EFL1: variants seen among roughly 807,000 people sequenced by gnomAD.
EFL1 encodes the protein elongation factor-like GTPase 1.
Under a neutral mutation model 126.7 loss-of-function variants are expected in EFL1, and 76 were observed. That is an observed-to-expected ratio of 0.60 (90% CI 0.50 to 0.73). The LOEUF (loss-of-function observed/expected upper bound fraction) is 0.73. Ranked by LOEUF, EFL1 falls within the 30% of genes least tolerant of loss-of-function variation. The probability of loss-of-function intolerance (pLI) is 0.00; values close to 1 mark genes in which losing one functional copy is unlikely to be tolerated. For synonymous variants in EFL1, 410 were observed against 448.4 expected (o/e 0.91, Z 1.08); for missense variants, 1,128 against 1,343.2 (o/e 0.84, Z 2.50).
chr15:82,240,349 C>T (rs916640504), intron 6 of EFL1, 69 bp downstream of exon 6: 15 of 1,471,470 alleles, frequency 1.0e-5, no homozygotes, highest in South Asian at 2.6e-5. Context: ...ACGGCTCATA[C>T]CCAGCTCAGT....
rs919788448 is a variant in EFL1 at position 82,138,784 on chromosome 15, T to C, written c.3048A>G (p.Lys1016=). The part of the protein sequence containing the change: ...REGRVLQEEM[K]EGTDMFIIKA... The stretch of plus-strand genomic sequence containing the variant: ...TGATGATGAACATGTCTGTCCCTTC[T>C]TTCATTTCTTCTTGAAGTACCCGAC... The change falls in exon 19 of 20, where the codon AAA becomes AAG. Residue 1016 remains lysine, a synonymous_variant. Transcript: ENST00000268206. 6.2e-7 allele frequency: 1 copy of C among 1,613,986 alleles called. No homozygotes were observed. Among genetic ancestry groups the C allele is most frequent in the South Asian group, 1.1e-5 (1 of 91,072 alleles).
At chr15:82,238,226 C>T in intron 7 of EFL1, 81 bp downstream of exon 7, 2 of 1,448,950 alleles carry the variant, frequency 1.4e-6, no homozygotes, top group Middle Eastern at 2.0e-4. Flanking sequence ...CTATAATTAT[C>T]TCAAAATAAA....
rs1200667387 is a variant in EFL1, at chr15:82,220,066, G to T, written c.1444+12C>A. On this transcript the variant is annotated intron_variant, in intron 13 of 19. Coordinates refer to ENST00000268206, the MANE Select transcript of EFL1 (RefSeq NM_024580.6). ...AATACTTTGCAACAGAGCCTACTTA[G>T]GAAAGCTATACCTCTTGGCTCCTCT... 7.6e-6 allele frequency: 12 copies of T among 1,587,090 alleles called. No homozygotes were observed. The highest frequency in any genetic ancestry group is 9.4e-6 in the Non-Finnish European group (11 of 1,171,104).
intron 4 of EFL1, among the ~76,000 whole-genome samples, chr15:82,243,891 A>C (rs966647387): frequency 2.0e-5 from 3 of 152,130 alleles, no homozygotes; most frequent in Admixed American, 1.3e-4. Flanking sequence ...ATCCTAAAAA[A>C]TAAGTGTCTG....
chr15:82,254,135 T>C (rs1308999797), intron 3 of EFL1, among the ~76,000 whole-genome samples: 1 of 152,262 alleles, frequency 6.6e-6, no homozygotes, highest in African/African-American at 2.4e-5. Flanking sequence ...CAATGACCTC[T>C]GGCGAAACGC....
intron 2 of EFL1, among the ~76,000 whole-genome samples, chr15:82,259,440 CA>C (rs1237843816): frequency 6.6e-6 from 1 of 152,160 alleles, no homozygotes; most frequent in Non-Finnish European, 1.5e-5. Context: ...ACTCTTTTGC[CA>C]TATTTCCCCA....
At chr15:82,135,852 C>T (rs562497422) in intron 19 of EFL1, among the ~76,000 whole-genome samples, 2 of 152,156 alleles carry the variant, frequency 1.3e-5, no homozygotes, top group East Asian at 1.9e-4. Flanking sequence ...AGATGTGATG[C>T]GGGAGGTAGA....
At chr15:82,229,785 T>C (rs537902528) in intron 8 of EFL1, among the ~76,000 whole-genome samples, 98 of 152,268 alleles carry the variant, frequency 6.4e-4, no homozygotes, top group African/African-American at 2.2e-3. Flanking sequence ...TATCAAAACA[T>C]TTGAAAAAAC....
intron 15 of EFL1, among the ~76,000 whole-genome samples, chr15:82,187,934 G>GA (rs948942996): frequency 6.6e-6 from 1 of 151,808 alleles, no homozygotes; most frequent in Non-Finnish European, 1.5e-5. Context: ...CTATAACAGT[G>GA]AAAAAAACAG....
In EFL1 at chr15:82,138,641, G is replaced by A. The variant is rs2073750676; in HGVS notation, c.3174+17C>T. On this transcript the variant is annotated intron_variant, in intron 19 of 19. Transcript: ENST00000268206. ...ATAGATGAGAAGGAAGGAATGAATG[G>A]GAACTTGGATTTTTACCTCCCAATG... The A allele has an allele frequency of 1.9e-6, 3 of 1,610,974 alleles. No individual in the cohort carries two copies. Among genetic ancestry groups the A allele is most frequent in the Non-Finnish European group, 1.7e-6 (2 of 1,178,288 alleles).
intron 18 of EFL1, among the ~76,000 whole-genome samples, chr15:82,141,533 T>A (rs933995244): frequency 6.6e-6 from 1 of 151,976 alleles, no homozygotes; most frequent in Non-Finnish European, 1.5e-5. Flanking sequence ...TTGGGCATGG[T>A]GCTGTGTGCC....
At position 82,147,482 on chromosome 15, in the gene EFL1, C is replaced by CA. The variant is rs76335360; in HGVS notation, c.2989+3982dup. On this transcript the variant is annotated intron_variant, in intron 18 of 19. Coordinates refer to ENST00000268206, the MANE Select transcript of EFL1 (RefSeq NM_024580.6). ...CCATCTCTACTAAAAATAACAACAA[C>CA]AAAAAAAAAATTAGCTGGGCGTGGT... Among the ~76,000 whole-genome samples, 55 of 147,990 alleles carry CA rather than the reference C, an allele frequency of 3.7e-4. No individual in the cohort carries two copies. In the South Asian group the frequency reaches 7.1e-3, roughly 19 times the overall value.
chr15:82,197,497 T>C (rs1243738599), intron 15 of EFL1, among the ~76,000 whole-genome samples: 1 of 152,194 alleles, frequency 6.6e-6, no homozygotes, highest in Non-Finnish European at 1.5e-5. Context: ...ACAAAACTAG[T>C]GACAATGTGC....
chr15:82,209,316 G>GACACACAGACACACACACACACACACAC (rs2074559162), intron 15 of EFL1, among the ~76,000 whole-genome samples: 1 of 146,240 alleles, frequency 6.8e-6, no homozygotes, highest in African/African-American at 2.5e-5. Flanking sequence ...CACAGACACA[G>GACACACAGACACACACACACACACACAC]ACACACACAC....
At chr15:82,218,440 G>C (rs1020225759) in intron 14 of EFL1, among the ~76,000 whole-genome samples, 1 of 152,128 alleles carries the variant, frequency 6.6e-6, no homozygotes, top group African/African-American at 2.4e-5. Context: ...ATTTCAACCT[G>C]TAGCAAAGAC....
chr15:82,132,765 T>A (rs1411127757), intron 19 of EFL1, among the ~76,000 whole-genome samples: 1 of 126,616 alleles, frequency 7.9e-6, no homozygotes, highest in South Asian at 2.7e-4. Context: ...GAAGGAGGAG[T>A]GGGGAGGAAG....
chr15:82,208,304 T>C (rs1172756410), intron 15 of EFL1, among the ~76,000 whole-genome samples: 1 of 152,188 alleles, frequency 6.6e-6, no homozygotes, highest in African/African-American at 2.4e-5. Flanking sequence ...TCTTACGTCA[T>C]ATACACATTT....
chr15:82,218,273 AG>A (rs561952216), intron 14 of EFL1, among the ~76,000 whole-genome samples: 15 of 152,294 alleles, frequency 9.8e-5, no homozygotes, highest in African/African-American at 3.6e-4. Flanking sequence ...AATTCTGGGT[AG>A]GGGTTACTTT....
At chr15:82,163,713 G>C (rs1395284244) in intron 16 of EFL1, 140 bp downstream of exon 16, 1 of 1,002,728 alleles carries the variant, frequency 1.0e-6, no homozygotes, top group Admixed American at 3.0e-5. Context: ...GATGCCCTTT[G>C]AAGAGTTGCT....
Sources: gnomAD v4.1 joint callset for allele counts (sites outside exome capture counted in the v4.1 genomes callset) on GRCh38, gnomAD v4.1.1 for gene constraint, MANE v1.5 for transcripts, NCBI Gene and HGNC (gene_info 2026-07-23, HGNC 2026-07-21) for gene names.